The following FARP1 variants were observed in gnomAD, a reference collection of about 807,000 sequenced individuals.
The protein encoded by FARP1 is FERM, ARHGEF and pleckstrin domain-containing protein 1.
FARP1 carries 52 observed loss-of-function variants against 128.8 expected under a neutral mutation model. That is an observed-to-expected ratio of 0.40 (90% CI 0.32 to 0.51). The LOEUF (loss-of-function observed/expected upper bound fraction) is 0.51. Among genes scored for constraint, FARP1 ranks in the 20% least tolerant of loss-of-function variants. The pLI, the probability that FARP1 is intolerant of heterozygous loss-of-function variation, is 0.45. For synonymous variants in FARP1, 580 were observed against 551.8 expected (o/e 1.05, Z -0.72); for missense variants, 1,333 against 1,367.9 (o/e 0.97, Z 0.40).
chr13:98,382,557 C>T (rs367917733), intron 6 of FARP1: 2 of 152,268 alleles, frequency 1.3e-5, no homozygotes, highest in African/African-American at 4.8e-5. Context: ...TAAGGAATTC[C>T]TCCATAGATA....
At chr13:98,296,522 C>CA (rs1555334988) in intron 2 of FARP1, among the ~76,000 whole-genome samples, 3 of 148,284 alleles carry the variant, frequency 2.0e-5, no homozygotes, top group Non-Finnish European at 4.5e-5. Flanking sequence ...GGACCCCCCG[C>CA]TCTTCATGCA....
At chr13:98,175,204 C>T (rs1282056502) in intron 1 of FARP1, among the ~76,000 whole-genome samples, 2 of 152,178 alleles carry the variant, frequency 1.3e-5, no homozygotes, top group Non-Finnish European at 2.9e-5. Flanking sequence ...GAGATAGGCT[C>T]TTATGAAAAT....
intron 1 of FARP1, among the ~76,000 whole-genome samples, chr13:98,209,314 C>A (rs567752092): frequency 1.8e-4 from 27 of 151,532 alleles, no homozygotes; most frequent in South Asian, 6.3e-4. Context: ...AGCCAACTTT[C>A]CTGAGTTTTA....
chr13:98,231,474 A>G (rs1056125892), intron 2 of FARP1, among the ~76,000 whole-genome samples: 13 of 152,078 alleles, frequency 8.5e-5, no homozygotes, highest in African/African-American at 3.1e-4. Context: ...GGCTCGCTCT[A>G]CTGCCCAAGC....
Position 98,389,955 on chromosome 13 carries a change from A to G in FARP1, c.856-2A>G, listed in dbSNP as rs1394949398. Reference sequence around the variant, plus strand: ...AACCACCGTTGTATTTTCCCTTTTTAGAGTGCGTACCAGGATACCTTGGAA... The same window carrying G: ...AACCACCGTTGTATTTTCCCTTTTTGGAGTGCGTACCAGGATACCTTGGAA... On this transcript the variant is annotated splice_acceptor_variant, in intron 9 of 26. Coordinates refer to ENST00000319562, the MANE Select transcript of FARP1 (RefSeq NM_005766.4). LOFTEE classifies it high-confidence loss of function. 6.2e-7 allele frequency: 1 copy of G among 1,613,562 alleles called. No individual in the cohort carries two copies.
intron 3 of FARP1, among the ~76,000 whole-genome samples, chr13:98,353,159 G>A (rs745707096): frequency 6.6e-6 from 1 of 152,004 alleles, no homozygotes; most frequent in Admixed American, 6.5e-5. Context: ...TTAGTCTTAA[G>A]ACTAAACTCT....
chr13:98,438,798 C>T lies in FARP1; in HGVS notation c.2275-6C>T. On this transcript the variant is annotated splice_polypyrimidine_tract_variant and splice_region_variant and intron_variant, in intron 19 of 26. Transcript: ENST00000319562. ...CAGCCAGCCCTCCGGTCTGTCTCCCCTGCAGGAGTTCATCCGTCTGGGCAG... is the reference window on the plus strand; with the variant it reads ...CAGCCAGCCCTCCGGTCTGTCTCCCTTGCAGGAGTTCATCCGTCTGGGCAG... The T allele has an allele frequency of 1.9e-6, 3 of 1,612,078 alleles. No individual in the cohort carries two copies. Among genetic ancestry groups the T allele is most frequent in the Non-Finnish European group, 2.5e-6 (3 of 1,179,616 alleles).
intron 1 of FARP1, among the ~76,000 whole-genome samples, chr13:98,202,557 C>G (rs1880016536): frequency 6.6e-6 from 1 of 152,134 alleles, no homozygotes; most frequent in African/African-American, 2.4e-5. Flanking sequence ...TTCTCTTCAT[C>G]TACCCGGCTT....
chr13:98,393,176 T>C (rs1246020178), intron 11 of FARP1, among the ~76,000 whole-genome samples: 6 of 152,230 alleles, frequency 3.9e-5, no homozygotes, highest in Non-Finnish European at 7.3e-5. Flanking sequence ...CCTCTGAACT[T>C]ACCGCTTTGA....
chr13:98,339,726 A>G (rs1887884529), intron 2 of FARP1, among the ~76,000 whole-genome samples: 1 of 152,172 alleles, frequency 6.6e-6, no homozygotes, highest in Non-Finnish European at 1.5e-5. Flanking sequence ...TTTGGTGCCA[A>G]AGAAAAGTCA....
intron 1 of FARP1, among the ~76,000 whole-genome samples, chr13:98,205,115 T>C (rs1449400573): frequency 6.6e-6 from 1 of 152,202 alleles, no homozygotes; most frequent in East Asian, 1.9e-4. Flanking sequence ...TTTGAACTTT[T>C]TGCCTAGCTG....
At chr13:98,171,115 T>A (rs1041318309) in intron 1 of FARP1, among the ~76,000 whole-genome samples, 10 of 152,232 alleles carry the variant, frequency 6.6e-5, no homozygotes, top group Non-Finnish European at 1.3e-4. Flanking sequence ...AGAAGGGGAC[T>A]GTGGAGGTTT....
intron 2 of FARP1, among the ~76,000 whole-genome samples, chr13:98,307,887 G>C (rs1886236660): frequency 6.6e-6 from 1 of 152,118 alleles, no homozygotes; most frequent in South Asian, 2.1e-4. Flanking sequence ...TTGCTTGCTG[G>C]ATAAAGTTCT....
At chr13:98,412,808 A>C (rs1450295361) in intron 16 of FARP1, among the ~76,000 whole-genome samples, 3 of 152,260 alleles carry the variant, frequency 2.0e-5, no homozygotes, top group Non-Finnish European at 4.4e-5. Context: ...TTTAAAGACA[A>C]TTATATGGAG....
intron 1 of FARP1, chr13:98,175,927 T>C (rs1321715239): frequency 1.8e-6 from 1 of 552,710 alleles, no homozygotes; most frequent in Non-Finnish European, 3.2e-6. Flanking sequence ...CCATTGTGTG[T>C]GTGTATCGCA....
intron 6 of FARP1, among the ~76,000 whole-genome samples, chr13:98,382,998 A>G (rs1023655533): frequency 1.3e-5 from 2 of 152,210 alleles, no homozygotes; most frequent in African/African-American, 4.8e-5. Flanking sequence ...AAGTATATTT[A>G]AGATGGCTTT....
chr13:98,244,259 C>A (rs1428934483), intron 2 of FARP1, among the ~76,000 whole-genome samples: 1 of 152,096 alleles, frequency 6.6e-6, no homozygotes, highest in South Asian at 2.1e-4. Context: ...ACCCCACTTC[C>A]TAGCTTTATT....
At chr13:98,286,016 A>G (rs1303397848) in intron 2 of FARP1, among the ~76,000 whole-genome samples, 1 of 151,944 alleles carries the variant, frequency 6.6e-6, no homozygotes, top group African/African-American at 2.4e-5. Flanking sequence ...CCCCTTAGGT[A>G]CCCTGAGATC....
intron 1 of FARP1, among the ~76,000 whole-genome samples, chr13:98,150,308 G>A (rs1260324563): frequency 6.6e-6 from 1 of 152,200 alleles, no homozygotes; most frequent in Non-Finnish European, 1.5e-5. Context: ...TGGGATTACA[G>A]GCTTGAGTCA....
Sources: gnomAD v4.1 joint callset for allele counts (sites outside exome capture counted in the v4.1 genomes callset) on GRCh38, gnomAD v4.1.1 for gene constraint, MANE v1.5 for transcripts, NCBI Gene and HGNC (gene_info 2026-07-23, HGNC 2026-07-21) for gene names.